TMEM51: variants seen among roughly 807,000 people sequenced by gnomAD.
TMEM51 encodes the protein chromosome 1 open reading frame 72.
A neutral mutation model predicts 13.6 loss-of-function variants in TMEM51; 8 were observed. That is an observed-to-expected ratio of 0.59 (90% CI 0.35 to 1.07). TMEM51 has a LOEUF of 1.07. Among genes scored for constraint, TMEM51 ranks in the 50% least tolerant of loss-of-function variants. The probability of loss-of-function intolerance (pLI) is 0.02; values close to 1 mark genes in which losing one functional copy is unlikely to be tolerated. For missense variants in TMEM51, 279 were observed against 330.7 expected (o/e 0.84, Z 1.21); for synonymous variants, 147 against 144.4 (o/e 1.02, Z -0.13).
rs149698014 is a variant in TMEM51, at chr1:15,184,732, C to T, written c.-266-25758C>T. The stretch of plus-strand genomic sequence containing the variant: ...TGAGGTGTTAAATAAAGCCATCCAT[C>T]ATCATATAAGATATGTGCTTATCTT... On this transcript the variant is annotated intron_variant, in intron 1 of 3. Transcript: ENST00000376008. Among the ~76,000 whole-genome samples the T allele has an allele frequency of 2.9e-4, 44 of 152,230 alleles. No homozygotes were observed. The East Asian group carries it at 7.3e-3, about 25-fold the overall frequency.
At chr1:15,168,837 C>A in intron 1 of TMEM51, 1 of 1,243,592 alleles carries the variant, frequency 8.0e-7, no homozygotes, top group Non-Finnish European at 1.0e-6. Context: ...ATATCCGGCT[C>A]ATGATAAAAG....
chr1:15,166,760 T>TTA (rs1486060649), intron 1 of TMEM51, among the ~76,000 whole-genome samples: 1 of 152,004 alleles, frequency 6.6e-6, no homozygotes, highest in African/African-American at 2.4e-5. Flanking sequence ...GCATTGTATT[T>TTA]TATATATATG....
intron 1 of TMEM51, among the ~76,000 whole-genome samples, chr1:15,190,822 C>A (rs555284606): frequency 2.0e-5 from 3 of 152,122 alleles, no homozygotes; most frequent in Non-Finnish European, 4.4e-5. Flanking sequence ...GAGTCTCACT[C>A]TGTCGCCCAA....
intron 1 of TMEM51, among the ~76,000 whole-genome samples, chr1:15,170,407 C>G (rs1455869356): frequency 4.1e-5 from 6 of 147,972 alleles, no homozygotes; most frequent in African/African-American, 1.5e-4. Context: ...CTTCCAGTTT[C>G]AAGCGATTCT....
chr1:15,157,425 C>G (rs1266879759), intron 1 of TMEM51, among the ~76,000 whole-genome samples: 5 of 152,178 alleles, frequency 3.3e-5, no homozygotes, highest in Non-Finnish European at 7.3e-5. Flanking sequence ...TATTTGACAA[C>G]TGGGGAGACC....
intron 1 of TMEM51, among the ~76,000 whole-genome samples, chr1:15,169,960 A>G (rs1643181224): frequency 6.6e-6 from 1 of 152,146 alleles, no homozygotes; most frequent in Non-Finnish European, 1.5e-5. Context: ...TGAGTTTCCC[A>G]CAGAGAAACA....
intron 1 of TMEM51, among the ~76,000 whole-genome samples, chr1:15,170,074 T>A (rs1389487994): frequency 2.0e-5 from 3 of 152,150 alleles, no homozygotes; most frequent in Non-Finnish European, 4.4e-5. Flanking sequence ...AGAATAGTTT[T>A]AGGATGTTGT....
intron 1 of TMEM51, among the ~76,000 whole-genome samples, chr1:15,182,384 G>C (rs540780574): frequency 6.6e-6 from 1 of 152,114 alleles, no homozygotes; most frequent in Non-Finnish European, 1.5e-5. Context: ...TCGGACTGTC[G>C]TAAGATCAAG....
At chr1:15,192,470 T>TTTTTTTTTTTTTTGTTTTTTTTTTTTA (rs3078880) in intron 1 of TMEM51, 1 of 250,176 alleles carries the variant, frequency 4.0e-6, no homozygotes, top group Non-Finnish European at 7.6e-6. Context: ...CCTTTTTTTT[T>TTTTTTTTTTTTTTGTTTTTTTTTTTTA]ATGACAGAAT....
rs1243409510 is a variant in TMEM51 at position 15,161,043 on chromosome 1, C to A, written c.-267+7089C>A. ...AAATGGGGAGCGGGGAGGGCAGGTG[C>A]AGCCGCCACCGCCAAAGGTCTTCCT... On this transcript the variant is annotated intron_variant, in intron 1 of 3. Transcript: ENST00000376008. This position sits in a 1 kb window ranked among gnomAD's most constrained non-coding sequence, Gnocchi z 4.0. Among the ~76,000 whole-genome samples the A allele has an allele frequency of 6.6e-6, 1 of 152,040 alleles. No individual in the cohort carries two copies. The highest frequency in any genetic ancestry group is 1.5e-5 in the Non-Finnish European group (1 of 68,050).
intron 1 of TMEM51, among the ~76,000 whole-genome samples, chr1:15,160,624 C>T (rs1026347485): frequency 2.6e-5 from 4 of 152,128 alleles, no homozygotes; most frequent in African/African-American, 9.7e-5. Flanking sequence ...CTTAAGTTAC[C>T]ATAAGAGGCC....
chr1:15,173,409 C>CG (rs913895070), intron 1 of TMEM51, among the ~76,000 whole-genome samples: 1 of 151,536 alleles, frequency 6.6e-6, no homozygotes, highest in East Asian at 1.9e-4. Flanking sequence ...TTAGTAGAGA[C>CG]GGGGTTTCAC....
chr1:15,212,018 T>C (rs1209312235), intron 2 of TMEM51, among the ~76,000 whole-genome samples: 2 of 152,212 alleles, frequency 1.3e-5, no homozygotes, highest in Non-Finnish European at 2.9e-5. Context: ...ATACATTAGC[T>C]GCTTTGAGAC....
At chr1:15,205,403 T>G (rs1335013118) in intron 1 of TMEM51, among the ~76,000 whole-genome samples, 1 of 152,210 alleles carries the variant, frequency 6.6e-6, no homozygotes, top group Non-Finnish European at 1.5e-5. Flanking sequence ...TTACTGAGGC[T>G]GAGCCCTCAC....
intron 1 of TMEM51, among the ~76,000 whole-genome samples, chr1:15,163,572 TCTAGAAG>T (rs1642867779): frequency 6.8e-6 from 1 of 147,676 alleles, no homozygotes; most frequent in Non-Finnish European, 1.5e-5. Flanking sequence ...TAATTTCAAT[TCTAGAAG>T]TTTATCCTAA....
intron 1 of TMEM51, among the ~76,000 whole-genome samples, chr1:15,204,136 G>T (rs1440611326): frequency 6.6e-6 from 1 of 152,210 alleles, no homozygotes; most frequent in African/African-American, 2.4e-5. Context: ...TGGCACCGAG[G>T]TTCACACAAG....
intron 1 of TMEM51, among the ~76,000 whole-genome samples, chr1:15,201,254 A>G (rs1269685238): frequency 6.6e-6 from 1 of 152,206 alleles, no homozygotes. Context: ...GTAATAAATA[A>G]CTGAGAAATT....
At chr1:15,214,746 A>G (rs1644396629) in intron 2 of TMEM51, 149 bp from the exon 3 acceptor site, 1 of 241,924 alleles carries the variant, frequency 4.1e-6, no homozygotes, top group Admixed American at 5.1e-5. Flanking sequence ...AGCACGTAAG[A>G]CATCTGGAAT....
At chr1:15,211,870 T>A (rs1247771380) in intron 2 of TMEM51, among the ~76,000 whole-genome samples, 1 of 123,974 alleles carries the variant, frequency 8.1e-6, no homozygotes, top group Non-Finnish European at 1.6e-5. Context: ...TATATAAAAA[T>A]ACACTGTCTC....
Sources: allele counts gnomAD v4.1 joint callset (sites outside exome capture counted in the v4.1 genomes callset), GRCh38; gene constraint gnomAD v4.1.1; non-coding constraint Gnocchi (gnomAD v3.1); transcripts MANE v1.5; gene names NCBI Gene and HGNC (gene_info 2026-07-23, HGNC 2026-07-21).